GALNT10: variants seen among roughly 807,000 people sequenced by gnomAD.
GALNT10 encodes polypeptide N-acetylgalactosaminyltransferase 10, also known as GalNAc transferase 10.
In GALNT10, 41 loss-of-function variants were observed where a neutral mutation model predicts 75.0. The observed-to-expected ratio is 0.55, with a 90% CI of 0.43 to 0.71. The LOEUF is 0.71. Among genes scored for constraint, GALNT10 ranks in the 30% least tolerant of loss-of-function variants. The pLI is 0.00. For missense variants in GALNT10, 727 were observed against 818.5 expected, an observed-to-expected ratio of 0.89 and a Z score of 1.36; for synonymous variants, 302 against 313.0, an observed-to-expected ratio of 0.96 and a Z score of 0.37.
Position 154,190,889 on chromosome 5 carries a change from T to C in GALNT10, c.23T>C (p.Leu8Pro). 1 of 1,445,090 alleles carries C rather than the reference T, an allele frequency of 6.9e-7. No individual in the cohort carries two copies. Among genetic ancestry groups the C allele is most frequent in the South Asian group, 1.3e-5 (1 of 74,480 alleles). The allele number at this position is 1,445,090 out of a possible 1,614,324, so 89.5% of individuals were successfully genotyped here. A position where few individuals can be genotyped will look rare whatever the true frequency, so the allele number is the denominator to read the frequency against. The part of the protein sequence containing the change: MRRKEKR[L>P]LQAVALVLAA... ...CCGATGAGGCGGAAGGAGAAGCGGC[T>C]CCTGCAGGCGGTGGCGCTGGTGCTG... The change falls in exon 1 of 12, where the codon CTC becomes CCC. Residue 8 changes from leucine to proline, a missense_variant. Coordinates refer to ENST00000297107, the MANE Select transcript of GALNT10 (RefSeq NM_198321.4).
At chr5:154,256,946 T>C (rs891931789) in intron 1 of GALNT10, among the ~76,000 whole-genome samples, 2 of 152,086 alleles carry the variant, frequency 1.3e-5, no homozygotes, top group Admixed American at 6.6e-5. Context: ...ATACCAAACC[T>C]GTGAAGTTGT....
At chr5:154,211,329 G>A (rs1224028036) in intron 1 of GALNT10, among the ~76,000 whole-genome samples, 2 of 152,060 alleles carry the variant, frequency 1.3e-5, no homozygotes, top group Non-Finnish European at 2.9e-5. Context: ...TTCAGTCAAC[G>A]TTCATCTACA....
At chr5:154,275,850 C>T (rs1753942499) in intron 1 of GALNT10, among the ~76,000 whole-genome samples, 1 of 152,176 alleles carries the variant, frequency 6.6e-6, no homozygotes, top group African/African-American at 2.4e-5. Context: ...ATCTCTGCTG[C>T]CAAACTCTAT....
chr5:154,277,515 G>A (rs548850361), intron 1 of GALNT10, among the ~76,000 whole-genome samples: 2 of 152,102 alleles, frequency 1.3e-5, no homozygotes, highest in South Asian at 2.1e-4. Context: ...GGCCTGGGAT[G>A]GAGGATTGAG....
chr5:154,331,793 T>C (rs1200840243), intron 4 of GALNT10, among the ~76,000 whole-genome samples: 4 of 152,160 alleles, frequency 2.6e-5, no homozygotes, highest in African/African-American at 9.7e-5. Flanking sequence ...CAGTCTCTGG[T>C]CTCAACCTCC....
In GALNT10 at chr5:154,324,724, G is replaced by A. The variant is rs552721790; in HGVS notation, c.402-4848G>A. On this transcript the variant is annotated intron_variant, in intron 3 of 11. Transcript: ENST00000297107. ...TGAGTCAAGTGGTCTGGGGTGGCCA[G>A]AGAATCCGCATTTCTAACAAGAACC... Among the ~76,000 whole-genome samples the A allele has an allele frequency of 2.0e-5, 3 of 152,242 alleles. No homozygotes were observed. The South Asian group carries it at 6.2e-4, about 32-fold the overall frequency.
intron 1 of GALNT10, among the ~76,000 whole-genome samples, chr5:154,293,613 A>ATATTTTTTTTTTTTTTTTTT: frequency 1.8e-4 from 20 of 109,350 alleles, no homozygotes; most frequent in Non-Finnish European, 2.7e-4. Flanking sequence ...ATATATATAT[A>ATATTTTTTTTTTTTTTTTTT]TTTTTTTTTT....
chr5:154,294,374 T>TA (rs1373312009), intron 1 of GALNT10, among the ~76,000 whole-genome samples: 1 of 152,244 alleles, frequency 6.6e-6, no homozygotes, highest in Non-Finnish European at 1.5e-5. Context: ...TAAAATACCT[T>TA]AATCAGTGTA....
intron 1 of GALNT10, among the ~76,000 whole-genome samples, chr5:154,196,797 T>C (rs1304799420): frequency 1.3e-5 from 2 of 152,170 alleles, no homozygotes; most frequent in Non-Finnish European, 2.9e-5. Flanking sequence ...TTGATTGACT[T>C]AACGTACCCT....
chr5:154,362,064 A>G (rs1220443039), intron 4 of GALNT10, among the ~76,000 whole-genome samples: 1 of 152,228 alleles, frequency 6.6e-6, no homozygotes, highest in African/African-American at 2.4e-5. Context: ...CAGCATGTCC[A>G]GGCCAGTGCT....
rs542370170 is a variant in GALNT10 at position 154,268,103 on chromosome 5, G to C, written c.160-26713G>C. On this transcript the variant is annotated intron_variant, in intron 1 of 11. Coordinates refer to ENST00000297107, the MANE Select transcript of GALNT10 (RefSeq NM_198321.4). ...TATAACATAGTGACTTTAGAAGCAG[G>C]TTTGCAGCTTGAGCAGTTATTAGCA... Among the ~76,000 whole-genome samples the C allele has an allele frequency of 3.9e-5, 6 of 152,306 alleles. No individual in the cohort carries two copies. The South Asian group carries it at 1.2e-3, about 32-fold the overall frequency.
chr5:154,364,881 AG>A (rs1398235064), intron 4 of GALNT10, among the ~76,000 whole-genome samples: 1 of 152,158 alleles, frequency 6.6e-6, no homozygotes, highest in Admixed American at 6.5e-5. Context: ...CTGAGTCCAA[AG>A]GGCCTGGTCT....
chr5:154,237,463 C>T (rs1036387281), intron 1 of GALNT10, among the ~76,000 whole-genome samples: 2 of 152,122 alleles, frequency 1.3e-5, no homozygotes, highest in African/African-American at 2.4e-5. Context: ...GTAATGCATC[C>T]GCACGCTTGT....
In GALNT10 at chr5:154,407,410, T is replaced by C. The variant is rs549932942; in HGVS notation, c.1165-2131T>C. Among the ~76,000 whole-genome samples the C allele has an allele frequency of 1.8e-3, 272 of 152,366 alleles. 3 individuals carry two copies. Among genetic ancestry groups the C allele is most frequent in the African/African-American group, 5.3e-3 (220 of 41,596 alleles). The stretch of plus-strand genomic sequence containing the variant: ...TTCAAAATCTGGGAGAAAGAGCTTT[T>C]CAAGCTGTGTCTGGAAGATACAATT... On this transcript the variant is annotated intron_variant, in intron 8 of 11. Coordinates refer to ENST00000297107, the MANE Select transcript of GALNT10 (RefSeq NM_198321.4).
Position 154,247,709 on chromosome 5 carries a change from T to G in GALNT10, c.160-47107T>G, listed in dbSNP as rs571801947. Reference sequence around the variant, plus strand: ...GTTGCTTATCAGCTTAAGGAGATTTTGGGCTGAGACGATGGGGTTTTCTAG... The same window carrying G: ...GTTGCTTATCAGCTTAAGGAGATTTGGGGCTGAGACGATGGGGTTTTCTAG... On this transcript the variant is annotated intron_variant, in intron 1 of 11. Coordinates refer to ENST00000297107, the MANE Select transcript of GALNT10 (RefSeq NM_198321.4). 2.8e-4 allele frequency among the ~76,000 whole-genome samples: 43 copies of G among 152,366 alleles called. No individual in the cohort carries two copies. In the East Asian group the frequency reaches 6.9e-3, roughly 25 times the overall value.
intron 1 of GALNT10, among the ~76,000 whole-genome samples, chr5:154,238,986 G>A (rs918801121): frequency 6.6e-6 from 1 of 152,106 alleles, no homozygotes; most frequent in Non-Finnish European, 1.5e-5. Context: ...AGGGAGGGGC[G>A]ATCTCAGGGC....
chr5:154,318,416 G>A (rs1754628784), intron 3 of GALNT10, among the ~76,000 whole-genome samples: 2 of 148,708 alleles, frequency 1.3e-5, no homozygotes, highest in Admixed American at 1.4e-4. Context: ...CAATTAATAG[G>A]ATTGATAAAT....
chr5:154,231,518 T>C (rs964533231), intron 1 of GALNT10, among the ~76,000 whole-genome samples: 3 of 152,194 alleles, frequency 2.0e-5, no homozygotes, highest in African/African-American at 4.8e-5. Flanking sequence ...AGCTGTGAAG[T>C]TGGGTTTTGG....
intron 2 of GALNT10, among the ~76,000 whole-genome samples, chr5:154,295,907 T>C (rs1754264986): frequency 6.6e-6 from 1 of 152,230 alleles, no homozygotes; most frequent in Non-Finnish European, 1.5e-5. Flanking sequence ...TTTATTCATT[T>C]TTATCTCCAT....
Sources: allele counts gnomAD v4.1 joint callset (sites outside exome capture counted in the v4.1 genomes callset), GRCh38; gene constraint gnomAD v4.1.1; transcripts MANE v1.5; gene names NCBI Gene and HGNC (gene_info 2026-07-23, HGNC 2026-07-21).